TMEM232: variants seen among roughly 807,000 people sequenced by gnomAD.
TMEM232 encodes the protein transmembrane protein 232.
In TMEM232, 80 loss-of-function variants were observed where a neutral mutation model predicts 78.8. The observed-to-expected ratio is 1.01, with a 90% CI of 0.85 to 1.22. TMEM232 has a LOEUF of 1.22. TMEM232 is among the 50% of genes most tolerant of loss of function. The pLI, the probability that TMEM232 is intolerant of heterozygous loss-of-function variation, is 0.00. For synonymous variants in TMEM232, 297 were observed against 254.3 expected (o/e 1.17, Z -1.60); for missense variants, 881 against 742.2 (o/e 1.19, Z -2.17).
chr5:110,455,442 A>G (rs1214907156), intron 12 of TMEM232, among the ~76,000 whole-genome samples: 1 of 151,726 alleles, frequency 6.6e-6, no homozygotes, highest in African/African-American at 2.4e-5. Flanking sequence ...CAGTGGCGCA[A>G]TCTCGGCTCA....
At chr5:110,713,585 A>G (rs1349071010) in intron 1 of TMEM232, among the ~76,000 whole-genome samples, 2 of 152,198 alleles carry the variant, frequency 1.3e-5, no homozygotes, top group African/African-American at 4.8e-5. Context: ...CTAAAGCAAT[A>G]AAGCTATTCA....
At chr5:110,406,582 G>A (rs1428228077) in intron 2 of TMEM232, among the ~76,000 whole-genome samples, 1 of 152,050 alleles carries the variant, frequency 6.6e-6, no homozygotes, top group Non-Finnish European at 1.5e-5. Flanking sequence ...AACAGAAGCT[G>A]AGAGAATTCA....
At chr5:110,603,388 T>A (rs567408398) in intron 10 of TMEM232, among the ~76,000 whole-genome samples, 18 of 152,186 alleles carry the variant, frequency 1.2e-4, no homozygotes, top group Non-Finnish European at 1.6e-4. Flanking sequence ...CCCATCATCA[T>A]AAGATTATGC....
chr5:110,413,737 TAAAAC>T (rs983223970), intron 2 of TMEM232, among the ~76,000 whole-genome samples: 4 of 152,194 alleles, frequency 2.6e-5, no homozygotes, highest in Non-Finnish European at 5.9e-5. Context: ...CTCAAACACT[TAAAAC>T]AGAAAAGATT....
At chr5:110,645,977 A>G (rs1787425372) in intron 2 of TMEM232, among the ~76,000 whole-genome samples, 1 of 151,728 alleles carries the variant, frequency 6.6e-6, no homozygotes, top group South Asian at 2.1e-4. Context: ...CAACAAAAAT[A>G]ATAAAATACT....
intron 11 of TMEM232, among the ~76,000 whole-genome samples, chr5:110,562,237 C>A (rs1004930349): frequency 2.0e-5 from 3 of 152,210 alleles, no homozygotes; most frequent in African/African-American, 7.2e-5. Context: ...CCACCTAAGT[C>A]TCCATCACCT....
intron 2 of TMEM232, among the ~76,000 whole-genome samples, chr5:110,658,379 T>C (rs1789366287): frequency 6.6e-6 from 1 of 152,198 alleles, no homozygotes; most frequent in African/African-American, 2.4e-5. Flanking sequence ...CGTTTCTGTT[T>C]CAGTCTTAGC....
intron 12 of TMEM232, among the ~76,000 whole-genome samples, chr5:110,515,766 G>T (rs942510590): frequency 2.0e-5 from 3 of 152,058 alleles, no homozygotes; most frequent in Non-Finnish European, 2.9e-5. Context: ...CTACTACTAC[G>T]GCACCAGCTC....
intron 1 of TMEM232, among the ~76,000 whole-genome samples, chr5:110,702,324 A>G (rs1795513129): frequency 6.6e-6 from 1 of 152,010 alleles, no homozygotes; most frequent in African/African-American, 2.4e-5. Context: ...TCTATTGGCT[A>G]TGATAGTCAG....
chr5:110,564,440 G>C (rs1185969253), intron 11 of TMEM232, among the ~76,000 whole-genome samples: 1 of 151,872 alleles, frequency 6.6e-6, no homozygotes, highest in Non-Finnish European at 1.5e-5. Flanking sequence ...TACTCAATCA[G>C]AGCTAGAAAA....
chr5:110,504,021 T>C (rs1284437213), intron 12 of TMEM232, among the ~76,000 whole-genome samples: 4 of 152,352 alleles, frequency 2.6e-5, no homozygotes, highest in Middle Eastern at 6.8e-3. Flanking sequence ...TTGGACTATC[T>C]TGGCAGTTTA....
chr5:110,587,590 T>A (rs537310631), intron 10 of TMEM232, among the ~76,000 whole-genome samples: 1 of 151,114 alleles, frequency 6.6e-6, no homozygotes, highest in East Asian at 1.9e-4. Context: ...AAGCCACTTT[T>A]GTACCCAGAT....
chr5:110,661,474 G>GGGTGATTTT (rs1789788991), intron 2 of TMEM232, among the ~76,000 whole-genome samples: 1 of 151,972 alleles, frequency 6.6e-6, no homozygotes, highest in South Asian at 2.1e-4. Context: ...CACCATGCCT[G>GGGTGATTTT]GGTGATTTTT....
chr5:110,521,654 T>G (rs1008266266), intron 12 of TMEM232, among the ~76,000 whole-genome samples: 9 of 152,200 alleles, frequency 5.9e-5, no homozygotes, highest in Non-Finnish European at 1.0e-4. Flanking sequence ...GAGTTCAATT[T>G]CATTCTTACA....
chr5:110,727,368 T>C (rs1394152049), upstream of TMEM232, among the ~76,000 whole-genome samples: 1 of 152,184 alleles, frequency 6.6e-6, no homozygotes. Context: ...TCCCAGCACT[T>C]TGGGAGGCCA....
intron 2 of TMEM232, among the ~76,000 whole-genome samples, chr5:110,643,434 G>A (rs1787029919): frequency 6.6e-6 from 1 of 152,018 alleles, no homozygotes; most frequent in Admixed American, 6.6e-5. Flanking sequence ...GGAAAATGTA[G>A]AGAGAGTATA....
chr5:110,642,435 A>C, intron 2 of TMEM232, 64 bp from the exon 3 acceptor site: 1 of 1,163,122 alleles, frequency 8.6e-7, no homozygotes, highest in Non-Finnish European at 1.2e-6. Flanking sequence ...ATTTCAATTA[A>C]TCAACTTCCA....
chr5:110,570,117 T>C (rs1561707891), intron 10 of TMEM232, among the ~76,000 whole-genome samples: 1 of 151,980 alleles, frequency 6.6e-6, no homozygotes. Flanking sequence ...TTTTCTATTA[T>C]TGGAACTTTA....
intron 2 of TMEM232, among the ~76,000 whole-genome samples, chr5:110,653,868 A>C (rs1788663255): frequency 6.6e-6 from 1 of 152,236 alleles, no homozygotes; most frequent in South Asian, 2.1e-4. Context: ...GCATGAGGAA[A>C]TGGATAAGAT....
Sources: allele counts gnomAD v4.1 joint callset (sites outside exome capture counted in the v4.1 genomes callset), GRCh38; gene constraint gnomAD v4.1.1; transcripts MANE v1.5; gene names NCBI Gene and HGNC (gene_info 2026-07-23, HGNC 2026-07-21).